Variants in FKTN observed in about 807,000 individuals in gnomAD.
FKTN encodes ribitol-5-phosphate transferase FKTN.
Under a neutral mutation model 58.6 loss-of-function variants are expected in FKTN, and 47 were observed. The ratio of observed to expected loss-of-function variants is 0.80; its 90% CI spans 0.63 to 1.02. FKTN has a LOEUF of 1.02. FKTN is among the 50% of genes least tolerant of loss of function. The pLI is 0.00. For synonymous variants in FKTN, 178 were observed against 191.9 expected (o/e 0.93, Z 0.60); for missense variants, 516 against 537.3 (o/e 0.96, Z 0.39).
chr9:105,638,257 C>T lies in FKTN; in HGVS notation c.*2993C>T. 1 of 985,400 alleles carries T rather than the reference C, an allele frequency of 1.0e-6. No individual in the cohort carries two copies. The highest frequency in any genetic ancestry group is 1.2e-6 in the Non-Finnish European group (1 of 829,922). 61.0% of individuals were successfully genotyped at this position (985,400 alleles called of 1,614,324 possible). The stretch of plus-strand genomic sequence containing the variant: ...TTAACAGAGAAGGCATCCAGTGCTT[C>T]ATTGAGGCTAAGTCTCAGGGTGTTT... On this transcript the variant is annotated 3_prime_UTR_variant, in exon 11 of 11. Coordinates refer to ENST00000357998, the MANE Select transcript of FKTN (RefSeq NM_001079802.2).
At chr9:105,579,340 T>C (rs1041552482) in intron 3 of FKTN, among the ~76,000 whole-genome samples, 1 of 152,226 alleles carries the variant, frequency 6.6e-6, no homozygotes, top group Non-Finnish European at 1.5e-5. Context: ...GCTTTAAACA[T>C]GTCCCAGAGA....
chr9:105,631,917 G>A (rs1371408611), intron 10 of FKTN, among the ~76,000 whole-genome samples: 1 of 150,076 alleles, frequency 6.7e-6, no homozygotes, highest in Non-Finnish European at 1.5e-5. Flanking sequence ...CCCATTACTG[G>A]GTATATACCC....
chr9:105,601,995 T>C (rs529450519), intron 5 of FKTN, among the ~76,000 whole-genome samples: 1 of 152,300 alleles, frequency 6.6e-6, no homozygotes, highest in South Asian at 2.1e-4. Context: ...GAAGACATAA[T>C]AAAGTAATTC....
Position 105,601,295 on chromosome 9 carries a change from G to T in FKTN, c.316G>T (p.Val106Phe), listed in dbSNP as rs747694613. 2 of 1,612,530 alleles carry T rather than the reference G, an allele frequency of 1.2e-6. No homozygotes were observed. Among genetic ancestry groups the T allele is most frequent in the Non-Finnish European group, 1.7e-6 (2 of 1,179,620 alleles). The change falls in exon 5 of 11, where the codon GTT becomes TTT. Residue 106 changes from valine (V) to phenylalanine (F), a missense_variant. Val to Phe is a conservative substitution (Grantham distance 50, BLOSUM62 -1). Coordinates refer to ENST00000357998, the MANE Select transcript of FKTN (RefSeq NM_001079802.2). ...GSTSQCKFFC[V>F]PRDFTAFALQ... Reference sequence around the variant, plus strand: ...TACTTCACAATGCAAGTTTTTCTGTGTTCCAAGAGACTTTACTGCATTTGC... The same window carrying T: ...TACTTCACAATGCAAGTTTTTCTGTTTTCCAAGAGACTTTACTGCATTTGC...
intron 3 of FKTN, among the ~76,000 whole-genome samples, chr9:105,588,531 T>TG (rs1324116604): frequency 6.6e-6 from 1 of 152,210 alleles, no homozygotes; most frequent in Non-Finnish European, 1.5e-5. Context: ...TTGGGAAATT[T>TG]GGGGGATGAA....
At chr9:105,631,714 T>C (rs1833477215) in intron 10 of FKTN, among the ~76,000 whole-genome samples, 1 of 148,536 alleles carries the variant, frequency 6.7e-6, no homozygotes, top group African/African-American at 2.5e-5. Context: ...AAAACCACAA[T>C]GAGATACCAT....
intron 10 of FKTN, among the ~76,000 whole-genome samples, chr9:105,621,290 T>C (rs1831894587): frequency 1.3e-5 from 2 of 152,140 alleles, no homozygotes; most frequent in African/African-American, 4.8e-5. Context: ...CTGAGTAGAG[T>C]AGTTTCTTTG....
Position 105,575,095 on chromosome 9 carries a change from G to C in FKTN, c.63G>C (p.Leu21=), listed in dbSNP as rs766642997. The C allele has an allele frequency of 1.6e-5, 25 of 1,611,422 alleles. No homozygotes were observed. The highest frequency in any genetic ancestry group is 3.3e-5 in the Admixed American group (2 of 59,974). The change falls in exon 3 of 11, where the codon CTG becomes CTC. Residue 21 remains leucine (L), a synonymous_variant. Coordinates refer to ENST00000357998, the MANE Select transcript of FKTN (RefSeq NM_001079802.2). Reference sequence around the variant, plus strand: ...TAACGCTGACAAGTTCTGCATTTCTGCTGTTTCAGTTGTACTACTACAAGC... The same window carrying C: ...TAACGCTGACAAGTTCTGCATTTCTCCTGTTTCAGTTGTACTACTACAAGC... ...ALLTLTSSAF[L]LFQLYYYKHY... is the part of the protein sequence containing the mutation.
At chr9:105,572,771 G>A (rs1472934776) in intron 1 of FKTN, among the ~76,000 whole-genome samples, 1 of 152,328 alleles carries the variant, frequency 6.6e-6, no homozygotes, top group Middle Eastern at 3.4e-3. Context: ...ATGTTTAAAT[G>A]CTTTTCCCAC....
At chr9:105,603,061 A>C (rs189331075) in intron 5 of FKTN, among the ~76,000 whole-genome samples, 66 of 152,290 alleles carry the variant, frequency 4.3e-4, no homozygotes, top group African/African-American at 1.5e-3. Flanking sequence ...CCTTTACACC[A>C]ATTGATCAGA....
chr9:105,605,809 A>G (rs1449678414), intron 6 of FKTN, among the ~76,000 whole-genome samples: 3 of 152,200 alleles, frequency 2.0e-5, no homozygotes, highest in African/African-American at 7.2e-5. Context: ...GTTAGAAATA[A>G]TGAATAAGAC....
In FKTN at chr9:105,635,611, T is replaced by G; in HGVS notation, c.*347T>G. On this transcript the variant is annotated 3_prime_UTR_variant, in exon 11 of 11. Coordinates refer to ENST00000357998, the MANE Select transcript of FKTN (RefSeq NM_001079802.2). Reference sequence around the variant, plus strand: ...CAGGTTTTTAAAACGTGAAGTAATGTTTGAACTGGAAGATGAGCTCACCAG... The same window carrying G: ...CAGGTTTTTAAAACGTGAAGTAATGGTTGAACTGGAAGATGAGCTCACCAG... 8.6e-7 allele frequency: 1 copy of G among 1,167,412 alleles called. No individual in the cohort carries two copies. The highest frequency in any genetic ancestry group is 1.1e-6 in the Non-Finnish European group (1 of 938,846). The allele number at this position is 1,167,412 out of a possible 1,614,324, so 72.3% of individuals were successfully genotyped here.
In FKTN at chr9:105,604,271, T is replaced by G; in HGVS notation, c.426T>G (p.Ser142Arg). ...NMGFQCLKIE[S>R]KDPRLDGIDS... ...GATTTCAGTGCCTAAAGATTGAGAG[T>G]AAAGATCCCCGGCTAGACGGGATAG... Residue 142 changes from serine to arginine, a missense_variant, in exon 6 of 11, where the codon AGT (serine) becomes AGG (arginine). Coordinates refer to ENST00000357998, the MANE Select transcript of FKTN (RefSeq NM_001079802.2). 2 of 1,613,154 alleles carry G rather than the reference T, an allele frequency of 1.2e-6. No individual in the cohort carries two copies. Among genetic ancestry groups the G allele is most frequent in the Non-Finnish European group, 1.7e-6 (2 of 1,179,966 alleles).
chr9:105,605,727 G>C (rs1157420349), intron 6 of FKTN, among the ~76,000 whole-genome samples: 3 of 152,106 alleles, frequency 2.0e-5, no homozygotes, highest in Non-Finnish European at 4.4e-5. Context: ...TAGAATGATG[G>C]TTATCAGAGG....
chr9:105,633,998 T>A (rs1833790081), intron 10 of FKTN, among the ~76,000 whole-genome samples: 1 of 152,188 alleles, frequency 6.6e-6, no homozygotes, highest in Non-Finnish European at 1.5e-5. Flanking sequence ...AGAAAAAAAA[T>A]GCAGAATATA....
chr9:105,563,726 G>A (rs987189118), intron 1 of FKTN, among the ~76,000 whole-genome samples: 2 of 152,214 alleles, frequency 1.3e-5, no homozygotes, highest in African/African-American at 4.8e-5. Context: ...ACCTCTGGGG[G>A]CAGGGCATAG....
rs956589241 is a variant in FKTN, at chr9:105,637,532, G to A, written c.*2268G>A. The A allele has an allele frequency of 2.0e-6, 2 of 985,414 alleles. No individual in the cohort carries two copies. Among genetic ancestry groups the A allele is most frequent in the Non-Finnish European group, 2.4e-6 (2 of 829,918 alleles). The allele number at this position is 985,414 out of a possible 1,614,324, so 61.0% of individuals were successfully genotyped here. The stretch of plus-strand genomic sequence containing the variant: ...CTGATTCATCCATACTTCATCTTAT[G>A]TATTTTAACAGTTGGGTTCTGTGGA... On this transcript the variant is annotated 3_prime_UTR_variant, in exon 11 of 11. Coordinates refer to ENST00000357998, the MANE Select transcript of FKTN (RefSeq NM_001079802.2).
chr9:105,591,757 T>C (rs999023483), intron 3 of FKTN, among the ~76,000 whole-genome samples: 10 of 152,200 alleles, frequency 6.6e-5, no homozygotes, highest in Non-Finnish European at 1.0e-4. Flanking sequence ...CAACCCTGCA[T>C]TTCCCTTCCA....
At chr9:105,611,993 C>T (rs1830010467) in intron 7 of FKTN, among the ~76,000 whole-genome samples, 1 of 152,094 alleles carries the variant, frequency 6.6e-6, no homozygotes, top group African/African-American at 2.4e-5. Context: ...CCTTTTTCTC[C>T]ACAACCTCAC....
Sources: gnomAD v4.1 joint callset for allele counts (sites outside exome capture counted in the v4.1 genomes callset) on GRCh38, gnomAD v4.1.1 for gene constraint, MANE v1.5 for transcripts, NCBI Gene and HGNC (gene_info 2026-07-23, HGNC 2026-07-21) for gene names.